Variants in LRRC37A observed in about 807,000 individuals in gnomAD.
LRRC37A encodes leucine-rich repeat-containing protein 37A.
Under a neutral mutation model 35.4 loss-of-function variants are expected in LRRC37A, and 3 were observed. The observed-to-expected ratio is 0.08, with a 90% CI of 0.04 to 0.22. The LOEUF is 0.22. Ranked by LOEUF, LRRC37A falls within the 10% of genes least tolerant of loss-of-function variation. The pLI, the probability that LRRC37A is intolerant of heterozygous loss-of-function variation, is 1.00. For missense variants in LRRC37A, 67 were observed against 565.3 expected, an observed-to-expected ratio of 0.12 and a Z score of 8.94; for synonymous variants, 23 against 215.0, an observed-to-expected ratio of 0.11 and a Z score of 7.81.
upstream of LRRC37A, among the ~76,000 whole-genome samples, chr17:46,290,087 G>C (rs2732602): frequency 0.14 from 21,679 of 152,030 alleles, 1,875 homozygotes; most frequent in Non-Finnish European, 0.22. Context: ...CCACTGTGCT[G>C]CAATGTAGAT....
At chr17:46,258,998 A>G in the LRRC37A span, among the ~76,000 whole-genome samples, 241 of 132,202 alleles carry the variant, frequency 1.8e-3, no homozygotes, top group African/African-American at 6.5e-3. Context: ...GATTACAGGC[A>G]TGAGCCACCG....
At chr17:46,265,537 G>A in the LRRC37A span, among the ~76,000 whole-genome samples, 4 of 151,400 alleles carry the variant, frequency 2.6e-5, no homozygotes, top group Admixed American at 6.6e-5. Context: ...GGAGTGCAGT[G>A]GCACGATCTC....
the LRRC37A span, among the ~76,000 whole-genome samples, chr17:46,263,932 A>T: frequency 6.6e-6 from 1 of 151,702 alleles, no homozygotes; most frequent in African/African-American, 2.4e-5. Flanking sequence ...CCTGACCTCA[A>T]GTGATCTGCC....
chr17:46,316,589 C>T (rs1446070447), intron 5 of LRRC37A, among the ~76,000 whole-genome samples: 1 of 70,370 alleles, frequency 1.4e-5, no homozygotes, highest in African/African-American at 3.6e-5. Flanking sequence ...GCATGCACCA[C>T]CATGCCCAGT....
intron 5 of LRRC37A, among the ~76,000 whole-genome samples, chr17:46,314,857 AAGTT>A (rs2050987678): frequency 1.2e-5 from 1 of 81,484 alleles, no homozygotes; most frequent in South Asian, 5.4e-4. Context: ...CTCATAGAAT[AAGTT>A]AGGAAATGTT....
the LRRC37A span, among the ~76,000 whole-genome samples, chr17:46,270,425 G>T: frequency 6.6e-6 from 1 of 152,214 alleles, no homozygotes; most frequent in Non-Finnish European, 1.5e-5. Flanking sequence ...GATTTCTAGA[G>T]TATTTTCCAA....
chr17:46,266,120 A>G, the LRRC37A span, among the ~76,000 whole-genome samples: 32 of 152,226 alleles, frequency 2.1e-4, no homozygotes, highest in Non-Finnish European at 1.5e-5. Context: ...CCTAACATAC[A>G]CATTCCAGGA....
At chr17:46,281,475 G>A in the LRRC37A span, among the ~76,000 whole-genome samples, 3 of 151,858 alleles carry the variant, frequency 2.0e-5, no homozygotes, top group Admixed American at 2.0e-4. Flanking sequence ...CTGCAGCCTT[G>A]AACTCCTGGG....
chr17:46,321,357 GAAAAAAAAA>G (rs763727306), intron 5 of LRRC37A, among the ~76,000 whole-genome samples: 3 of 31,354 alleles, frequency 9.6e-5, no homozygotes, highest in Non-Finnish European at 8.7e-5. Flanking sequence ...CTCCGTCTCA[GAAAAAAAAA>G]AAAAAAAAAA....
At chr17:46,268,780 AG>A in the LRRC37A span, 1 of 999,754 alleles carries the variant, frequency 1.0e-6, no homozygotes, top group Non-Finnish European at 1.4e-6. Context: ...GTCCTCCTTT[AG>A]AAGAGAGCCC....
chr17:46,332,532 TTG>T lies in LRRC37A; in HGVS notation c.4705-14_4705-13del, dbSNP rs1210745832. ...AGTTAGCTCTCATTCTGGTTTTTTTTTGTGTGTTTTTTTTTTTAGCTCAAAAA... is the reference window on the plus strand; with the variant it reads ...AGTTAGCTCTCATTCTGGTTTTTTTTTGTGTTTTTTTTTTTAGCTCAAAAA... On this transcript the variant is annotated intron_variant, in intron 9 of 13. Transcript: ENST00000320254. 2 of 1,431,648 alleles carry T rather than the reference TTG, an allele frequency of 1.4e-6. No individual in the cohort carries two copies. The highest frequency in any genetic ancestry group is 1.6e-5 in the African/African-American group (1 of 64,438). 88.7% of individuals were successfully genotyped at this position (1,431,648 alleles called of 1,614,324 possible).
At chr17:46,265,404 T>C in the LRRC37A span, among the ~76,000 whole-genome samples, 1 of 150,928 alleles carries the variant, frequency 6.6e-6, no homozygotes, top group Non-Finnish European at 1.5e-5. Flanking sequence ...TCCTCCTCCT[T>C]CCTCCTCCTC....
intron 9 of LRRC37A, 133 bp from the exon 10 acceptor site, chr17:46,332,419 C>G: frequency 2.6e-6 from 1 of 383,644 alleles, no homozygotes; most frequent in Non-Finnish European, 4.4e-6. Flanking sequence ...ACCACGGTAC[C>G]CAAGCCTGGG....
At chr17:46,290,683 G>C (rs1238922426), upstream of LRRC37A, among the ~76,000 whole-genome samples, 2 of 152,224 alleles carry the variant, frequency 1.3e-5, no homozygotes, top group African/African-American at 2.4e-5. Flanking sequence ...CTGACCTCAA[G>C]TGATCGTTTC....
At chr17:46,270,078 G>T in the LRRC37A span, among the ~76,000 whole-genome samples, 1 of 152,218 alleles carries the variant, frequency 6.6e-6, no homozygotes. Flanking sequence ...CAGTTTATAA[G>T]AAGTACGGTG....
At chr17:46,260,681 T>A in the LRRC37A span, 1 of 1,289,596 alleles carries the variant, frequency 7.8e-7, no homozygotes, top group East Asian at 2.6e-5. Context: ...TGGAGTGCAA[T>A]GGCGGGATCT....
At chr17:46,270,630 C>T in the LRRC37A span, among the ~76,000 whole-genome samples, 1 of 152,202 alleles carries the variant, frequency 6.6e-6, no homozygotes, top group East Asian at 1.9e-4. Flanking sequence ...AAGGCTAGGC[C>T]GGGAGCTGTG....
At chr17:46,278,996 C>T in the LRRC37A span, among the ~76,000 whole-genome samples, 111 of 152,080 alleles carry the variant, frequency 7.3e-4, no homozygotes, top group Non-Finnish European at 1.4e-3. Context: ...TGGGCTTTCA[C>T]CATGTTGGTC....
upstream of LRRC37A, among the ~76,000 whole-genome samples, chr17:46,289,635 C>T (rs2732604): frequency 0.1 from 14,939 of 145,508 alleles, no homozygotes; most frequent in Non-Finnish European, 0.16. Flanking sequence ...CCACTGTGCC[C>T]AGCCAAAATC....
Sources: allele counts gnomAD v4.1 joint callset (sites outside exome capture counted in the v4.1 genomes callset), GRCh38; gene constraint gnomAD v4.1.1; transcripts MANE v1.5; gene names NCBI Gene and HGNC (gene_info 2026-07-23, HGNC 2026-07-21).